Variants in CRADD observed in about 807,000 individuals in gnomAD.
The protein encoded by CRADD is CARD and death domain containing adaptor protein, also known as death domain-containing protein CRADD.
In CRADD, 9 loss-of-function variants were observed where a neutral mutation model predicts 15.5. The ratio of observed to expected loss-of-function variants is 0.58; its 90% CI spans 0.35 to 1.01. The LOEUF is 1.01. CRADD is among the 50% of genes least tolerant of loss of function. CRADD has a pLI of 0.02. For synonymous variants in CRADD, 118 were observed against 107.6 expected, an observed-to-expected ratio of 1.10 and a Z score of -0.60; for missense variants, 227 against 250.3, an observed-to-expected ratio of 0.91 and a Z score of 0.63.
chr12:93,770,261 A>G (rs1046712267), intron 2 of CRADD, among the ~76,000 whole-genome samples: 43 of 151,672 alleles, frequency 2.8e-4, no homozygotes, highest in African/African-American at 1.0e-3. Flanking sequence ...ACGCCCGGCT[A>G]ATTTTTTTTG....
At position 93,732,009 on chromosome 12, in the gene CRADD, G is replaced by A. The variant is rs547254480; in HGVS notation, c.298+52937G>A. 1.7e-4 allele frequency among the ~76,000 whole-genome samples: 26 copies of A among 152,242 alleles called. No individual in the cohort carries two copies. In the South Asian group the frequency reaches 4.8e-3, roughly 28 times the overall value. On this transcript the variant is annotated intron_variant, in intron 2 of 2. Coordinates refer to ENST00000332896, the MANE Select transcript of CRADD (RefSeq NM_003805.5). ...AAATTAGCCAGGCATGGTGATGGGT[G>A]CCTGTAATCCCAGCTACTTGGGAGG... is the stretch of plus-strand genomic sequence containing the variant.
At chr12:93,719,899 A>AT (rs1956229010) in intron 2 of CRADD, among the ~76,000 whole-genome samples, 1 of 151,668 alleles carries the variant, frequency 6.6e-6, no homozygotes, top group South Asian at 2.1e-4. Context: ...TGCTTTATTG[A>AT]TTTTTTCCAT....
intron 2 of CRADD, among the ~76,000 whole-genome samples, chr12:93,802,618 G>A (rs1356691486): frequency 2.6e-5 from 4 of 152,196 alleles, no homozygotes; most frequent in Non-Finnish European, 5.9e-5. Context: ...TGTTCTGCAG[G>A]TAAATGTATC....
At chr12:93,730,820 A>G (rs1266822178) in intron 2 of CRADD, among the ~76,000 whole-genome samples, 2 of 150,064 alleles carry the variant, frequency 1.3e-5, no homozygotes, top group Admixed American at 6.7e-5. Context: ...GGTTCAAGCT[A>G]TTCTCCCACC....
At chr12:93,875,373 T>C (rs556403563) in intron 2 of CRADD, among the ~76,000 whole-genome samples, 50 of 152,202 alleles carry the variant, frequency 3.3e-4, no homozygotes, top group African/African-American at 1.2e-3. Context: ...TGTCTTTTGA[T>C]TGGGGAGTTT....
intron 2 of CRADD, among the ~76,000 whole-genome samples, chr12:93,689,223 C>G (rs890200129): frequency 2.0e-5 from 3 of 152,180 alleles, no homozygotes; most frequent in Non-Finnish European, 2.9e-5. Flanking sequence ...GCCCTCAGTT[C>G]CAATAACCAG....
chr12:93,841,854 C>T (rs1223555848), intron 2 of CRADD, among the ~76,000 whole-genome samples: 3 of 152,178 alleles, frequency 2.0e-5, no homozygotes, highest in African/African-American at 2.4e-5. Flanking sequence ...TCCCGCACAC[C>T]TGCAGCATAT....
rs764023099 is a variant in CRADD at position 93,678,879 on chromosome 12, C to A, written c.105C>A (p.Ile35=). The A allele has an allele frequency of 6.2e-7, 1 of 1,614,076 alleles. No homozygotes were observed. The highest frequency in any genetic ancestry group is 1.3e-5 in the African/African-American group (1 of 74,930). The part of the protein sequence containing the change: ...LVLQYLYQEG[I]LTENHIQEIN... ...TTCAGTACCTCTACCAGGAAGGAAT[C>A]TTGACGGAAAACCATATTCAAGAAA... Residue 35 remains isoleucine, a synonymous_variant, in exon 2 of 3, where the codon ATC becomes ATA. Coordinates refer to ENST00000332896, the MANE Select transcript of CRADD (RefSeq NM_003805.5).
downstream of CRADD, among the ~76,000 whole-genome samples, chr12:93,851,481 C>T (rs1351494521): frequency 6.6e-6 from 1 of 152,246 alleles, no homozygotes; most frequent in Non-Finnish European, 1.5e-5. Flanking sequence ...TTGTACTCAC[C>T]TCTGAGGTCT....
intron 2 of CRADD, among the ~76,000 whole-genome samples, chr12:93,790,415 A>G (rs1200408736): frequency 6.6e-6 from 1 of 152,062 alleles, no homozygotes; most frequent in Non-Finnish European, 1.5e-5. Flanking sequence ...TACATATGTA[A>G]CTAACCTGCA....
intron 2 of CRADD, among the ~76,000 whole-genome samples, chr12:93,681,421 C>T (rs942927415): frequency 7.2e-5 from 11 of 151,986 alleles, no homozygotes; most frequent in African/African-American, 2.4e-4. Context: ...CAAATTCGTA[C>T]AGTCATCTTA....
chr12:93,737,211 C>T (rs1043141260), intron 2 of CRADD, among the ~76,000 whole-genome samples: 1 of 152,102 alleles, frequency 6.6e-6, no homozygotes, highest in African/African-American at 2.4e-5. Flanking sequence ...GCAGAGATGT[C>T]CAAGTACTTA....
intron 2 of CRADD, among the ~76,000 whole-genome samples, chr12:93,746,450 C>T (rs1375443272): frequency 2.0e-5 from 3 of 152,160 alleles, no homozygotes; most frequent in Non-Finnish European, 2.9e-5. Flanking sequence ...CCATTCTTTC[C>T]GGAAGTTGGA....
intron 2 of CRADD, among the ~76,000 whole-genome samples, chr12:93,694,256 A>G (rs1955645390): frequency 6.6e-6 from 1 of 152,190 alleles, no homozygotes; most frequent in Non-Finnish European, 1.5e-5. Context: ...AAAGCTTTCG[A>G]CAAATGTCAA....
intron 2 of CRADD, among the ~76,000 whole-genome samples, chr12:93,761,258 C>G (rs991105946): frequency 2.6e-5 from 4 of 152,176 alleles, no homozygotes; most frequent in Admixed American, 6.5e-5. Context: ...ATAGACTCAG[C>G]TTTTCATTCT....
chr12:93,703,978 CTTTTTT>C (rs71071759), intron 2 of CRADD, among the ~76,000 whole-genome samples: 4 of 90,270 alleles, frequency 4.4e-5, no homozygotes, highest in South Asian at 4.4e-4. Context: ...TGGAGCCTTT[CTTTTTT>C]TTTTTTTTTT....
chr12:93,696,370 A>G (rs1373792094), intron 2 of CRADD, among the ~76,000 whole-genome samples: 3 of 152,262 alleles, frequency 2.0e-5, no homozygotes, highest in Non-Finnish European at 4.4e-5. Context: ...TAAAGAAAAT[A>G]TAGCATATAT....
rs531813984 is a variant in CRADD, at chr12:93,887,729, C to A, written c.299-6321C>A. On this transcript the variant is annotated intron_variant, in intron 2 of 2. Transcript: ENST00000548483. The stretch of plus-strand genomic sequence containing the variant: ...TTTTTGATGGCCTGAGCACTTTAGT[C>A]ACAAAAATAAAATTTACTGAGCACA... Among the ~76,000 whole-genome samples, 6 of 152,306 alleles carry A rather than the reference C, an allele frequency of 3.9e-5. No individual in the cohort carries two copies. In the South Asian group the frequency reaches 6.2e-4, roughly 16 times the overall value.
intron 2 of CRADD, among the ~76,000 whole-genome samples, chr12:93,864,310 T>G (rs1958344684): frequency 6.6e-6 from 1 of 152,178 alleles, no homozygotes; most frequent in Non-Finnish European, 1.5e-5. Flanking sequence ...ATCCTCAGCC[T>G]CCTGAAGTGC....
Sources: gnomAD v4.1 joint callset for allele counts (sites outside exome capture counted in the v4.1 genomes callset) on GRCh38, gnomAD v4.1.1 for gene constraint, MANE v1.5 for transcripts, NCBI Gene and HGNC (gene_info 2026-07-23, HGNC 2026-07-21) for gene names.